The following KAT6B variants were observed in gnomAD, a reference collection of about 807,000 sequenced individuals.
KAT6B encodes histone acetyltransferase KAT6B.
In KAT6B, 10 loss-of-function variants were observed where a neutral mutation model predicts 187.5. The observed-to-expected ratio is 0.05, with a 90% CI of 0.03 to 0.09. KAT6B has a LOEUF of 0.09. Among genes scored for constraint, KAT6B ranks in the 10% least tolerant of loss-of-function variants. The pLI, the probability that KAT6B is intolerant of heterozygous loss-of-function variation, is 1.00. For missense variants in KAT6B, 1,952 were observed against 2,558.9 expected (o/e 0.76, Z 5.12); for synonymous variants, 861 against 926.8 (o/e 0.93, Z 1.29).
intron 13 of KAT6B, among the ~76,000 whole-genome samples, chr10:75,009,566 G>C (rs1207966677): frequency 6.6e-6 from 1 of 152,134 alleles, no homozygotes; most frequent in African/African-American, 2.4e-5. Context: ...CATTCCAGGG[G>C]CTTAGAGAAA....
At chr10:74,985,303 T>G in intron 12 of KAT6B, 62 bp downstream of exon 12, 2 of 1,488,038 alleles carry the variant, frequency 1.3e-6, no homozygotes, top group Non-Finnish European at 1.9e-6. Context: ...TAGAGCCCAA[T>G]TCTTTGAACA....
intron 16 of KAT6B, among the ~76,000 whole-genome samples, chr10:75,022,825 G>A (rs189612928): frequency 9.2e-5 from 14 of 152,206 alleles, no homozygotes; most frequent in Middle Eastern, 3.4e-3. Context: ...CCAGCTACTC[G>A]GGAGGCTGAG....
chr10:75,016,641 C>T (rs540032752), intron 13 of KAT6B, among the ~76,000 whole-genome samples: 1 of 152,310 alleles, frequency 6.6e-6, no homozygotes, highest in Admixed American at 6.5e-5. Flanking sequence ...ATTTCACCAG[C>T]GATTAATTAT....
chr10:74,885,856 C>T (rs1437533991), intron 3 of KAT6B, among the ~76,000 whole-genome samples: 1 of 151,832 alleles, frequency 6.6e-6, no homozygotes. Flanking sequence ...CTCAGCCTCC[C>T]GAGTAGCTGG....
At chr10:74,965,970 C>T (rs1281499482) in intron 4 of KAT6B, among the ~76,000 whole-genome samples, 3 of 151,716 alleles carry the variant, frequency 2.0e-5, no homozygotes, top group East Asian at 1.9e-4. Context: ...CTCCTGACCT[C>T]GTGATCCACC....
chr10:74,876,044 A>G (rs1844391686), intron 3 of KAT6B, among the ~76,000 whole-genome samples: 1 of 152,190 alleles, frequency 6.6e-6, no homozygotes, highest in African/African-American at 2.4e-5. Flanking sequence ...CAAGCATCCT[A>G]CAAGGCAAAT....
intron 3 of KAT6B, among the ~76,000 whole-genome samples, chr10:74,921,551 C>T (rs945264968): frequency 2.6e-5 from 4 of 152,122 alleles, no homozygotes; most frequent in African/African-American, 9.7e-5. Context: ...GGGGTTGTAG[C>T]TATACCTTTC....
chr10:74,854,030 C>T lies in KAT6B; in HGVS notation c.621+10552C>T, dbSNP rs564665371. ...TTTCTTGGCCCTGTGCCTTAAACTA[C>T]AGTAGATTAGGTGAAACTGTTCTCT... On this transcript the variant is annotated intron_variant, in intron 3 of 17. Transcript: ENST00000287239. 3.5e-4 allele frequency among the ~76,000 whole-genome samples: 53 copies of T among 152,302 alleles called. 1 individual carries two copies. Among genetic ancestry groups the T allele is most frequent in the African/African-American group, 1.2e-3 (50 of 41,566 alleles).
intron 3 of KAT6B, among the ~76,000 whole-genome samples, chr10:74,958,821 T>G (rs554664916): frequency 6.6e-6 from 1 of 151,794 alleles, no homozygotes; most frequent in Non-Finnish European, 1.5e-5. Flanking sequence ...GGGCGGATCA[T>G]GAGGTCAGAA....
chr10:74,960,627 C>T (rs1174518284), intron 4 of KAT6B, among the ~76,000 whole-genome samples: 1 of 151,998 alleles, frequency 6.6e-6, no homozygotes, highest in Non-Finnish European at 1.5e-5. Flanking sequence ...TTGAGATATA[C>T]TGGCTAGGAG....
chr10:74,830,746 A>ATATATATATATG (rs1361915094), intron 1 of KAT6B, among the ~76,000 whole-genome samples: 1 of 16,872 alleles, frequency 5.9e-5, no homozygotes, highest in Non-Finnish European at 9.2e-5. Context: ...ATATATATAT[A>ATATATATATATG]TATATATATA....
chr10:74,866,669 T>G (rs1843575386), intron 3 of KAT6B, among the ~76,000 whole-genome samples: 1 of 152,100 alleles, frequency 6.6e-6, no homozygotes, highest in Non-Finnish European at 1.5e-5. Context: ...CTGTAAAAGT[T>G]ATTATTTTAA....
chr10:74,895,957 GTTGTTT>G (rs750460853), intron 3 of KAT6B, among the ~76,000 whole-genome samples: 31 of 151,754 alleles, frequency 2.0e-4, no homozygotes, highest in Admixed American at 3.9e-4. Flanking sequence ...TGTTGTTGTT[GTTGTTT>G]TTTTTTGCCT....
intron 3 of KAT6B, among the ~76,000 whole-genome samples, chr10:74,921,372 C>A (rs1469169724): frequency 6.6e-6 from 1 of 152,102 alleles, no homozygotes; most frequent in African/African-American, 2.4e-5. Context: ...CCTTGAACTC[C>A]CAAAGTGCTG....
At chr10:74,967,409 G>C (rs761732911) in intron 4 of KAT6B, among the ~76,000 whole-genome samples, 5 of 152,094 alleles carry the variant, frequency 3.3e-5, no homozygotes, top group Non-Finnish European at 7.4e-5. Context: ...GGAATTACTT[G>C]ATCAGTAGCA....
chr10:74,990,870 C>T (rs567682303), intron 13 of KAT6B, among the ~76,000 whole-genome samples: 1 of 152,322 alleles, frequency 6.6e-6, no homozygotes, highest in East Asian at 1.9e-4. Context: ...TAACGTCTTC[C>T]AACATCTAGT....
intron 13 of KAT6B, among the ~76,000 whole-genome samples, chr10:75,005,702 T>TC (rs1189424556): frequency 6.6e-6 from 1 of 152,208 alleles, no homozygotes; most frequent in Admixed American, 6.5e-5. Context: ...ATTTTTTTTC[T>TC]CCCCCATGGA....
At chr10:74,956,922 A>G (rs568795146) in intron 3 of KAT6B, among the ~76,000 whole-genome samples, 1 of 152,346 alleles carries the variant, frequency 6.6e-6, no homozygotes, top group East Asian at 1.9e-4. Context: ...AAATGTGATC[A>G]ACAGGTTAGG....
At chr10:74,911,857 T>A (rs1249913333) in intron 3 of KAT6B, among the ~76,000 whole-genome samples, 1 of 152,132 alleles carries the variant, frequency 6.6e-6, no homozygotes, top group East Asian at 1.9e-4. Context: ...AGAAACAGGG[T>A]CTTGCTCTGT....
Sources: gnomAD v4.1 joint callset for allele counts (sites outside exome capture counted in the v4.1 genomes callset) on GRCh38, gnomAD v4.1.1 for gene constraint, MANE v1.5 for transcripts, NCBI Gene and HGNC (gene_info 2026-07-23, HGNC 2026-07-21) for gene names.